The following AKR1C3 variants were observed in gnomAD, a reference collection of about 807,000 sequenced individuals.
AKR1C3 encodes aldo-keto reductase family 1 member C3.
In AKR1C3, 48 loss-of-function variants were observed where a neutral mutation model predicts 43.6. That is an observed-to-expected ratio of 1.10 (90% CI 0.87 to 1.40). The LOEUF (loss-of-function observed/expected upper bound fraction) is 1.40. Among genes scored for constraint, AKR1C3 ranks in the 40% most tolerant of loss-of-function variants. The pLI is 0.00. For missense variants in AKR1C3, 482 were observed against 391.2 expected (o/e 1.23, Z -1.96); for synonymous variants, 162 against 139.6 (o/e 1.16, Z -1.13).
intron 1 of AKR1C3, among the ~76,000 whole-genome samples, chr10:5,071,120 T>A (rs1008331119): frequency 8.5e-5 from 13 of 152,208 alleles, no homozygotes; most frequent in African/African-American, 3.1e-4. Context: ...TATCTTACTG[T>A]GCTTTATGTT....
intron 5 of AKR1C3, 95 bp downstream of exon 5, chr10:5,099,544 G>C: frequency 6.3e-7 from 1 of 1,578,604 alleles, no homozygotes. Flanking sequence ...AGTTATCTTT[G>C]TGAAGTAGAA....
chr10:5,065,715 A>T (rs1554780733), intron 1 of AKR1C3, among the ~76,000 whole-genome samples: 1 of 152,238 alleles, frequency 6.6e-6, no homozygotes, highest in Non-Finnish European at 1.5e-5. Context: ...TGAAGAGGAC[A>T]AAGTAAGGTT....
upstream of AKR1C3, among the ~76,000 whole-genome samples, chr10:5,092,788 C>T (rs905130226): frequency 6.6e-6 from 1 of 151,964 alleles, no homozygotes; most frequent in Non-Finnish European, 1.5e-5. Flanking sequence ...AATTTCAGTG[C>T]TCATGGTTCT....
chr10:5,066,591 G>C (rs782073650), intron 1 of AKR1C3, among the ~76,000 whole-genome samples: 16 of 152,072 alleles, frequency 1.1e-4, no homozygotes, highest in Non-Finnish European at 1.9e-4. Flanking sequence ...ATGACTATTG[G>C]GAGCATAATA....
chr10:5,052,474 T>C (rs185151367), intron 1 of AKR1C3, among the ~76,000 whole-genome samples: 2 of 147,790 alleles, frequency 1.4e-5, no homozygotes, highest in African/African-American at 5.4e-5. Flanking sequence ...GAGAGCTGAT[T>C]GGTCTGTTTT....
At chr10:5,105,093 G>A (rs1750425136) in intron 7 of AKR1C3, among the ~76,000 whole-genome samples, 3 of 152,116 alleles carry the variant, frequency 2.0e-5, no homozygotes, top group Admixed American at 2.0e-4. Flanking sequence ...GCCTGTATCT[G>A]TTTCCTTTAG....
chr10:5,075,903 G>A (rs757412610), intron 1 of AKR1C3, among the ~76,000 whole-genome samples: 40 of 151,714 alleles, frequency 2.6e-4, no homozygotes, highest in Non-Finnish European at 4.4e-4. Context: ...GAATATGGGA[G>A]TCACGGGGGC....
chr10:5,075,341 A>AT (rs1422534307), intron 1 of AKR1C3, among the ~76,000 whole-genome samples: 1 of 151,910 alleles, frequency 6.6e-6, no homozygotes, highest in South Asian at 2.1e-4. Context: ...GGTAGAGAAA[A>AT]TTTTTTCCCT....
At chr10:5,091,671 A>G (rs367563359), upstream of AKR1C3, among the ~76,000 whole-genome samples, 32 of 152,274 alleles carry the variant, frequency 2.1e-4, no homozygotes, top group East Asian at 6.0e-3. Flanking sequence ...AGCAATGCCA[A>G]TTTAACTGCA....
intron 7 of AKR1C3, among the ~76,000 whole-genome samples, chr10:5,103,211 G>C (rs373994341): frequency 6.6e-6 from 1 of 152,108 alleles, no homozygotes. Context: ...CAGAAATGTG[G>C]AGTAGCATTA....
intron 1 of AKR1C3, among the ~76,000 whole-genome samples, chr10:5,066,583 GA>G (rs1838507016): frequency 1.3e-5 from 2 of 152,250 alleles, no homozygotes; most frequent in Non-Finnish European, 2.9e-5. Flanking sequence ...CTATTATTAT[GA>G]CTATTGGGAG....
intron 1 of AKR1C3, among the ~76,000 whole-genome samples, chr10:5,095,578 A>T (rs1288728983): frequency 6.6e-6 from 1 of 152,038 alleles, no homozygotes; most frequent in Non-Finnish European, 1.5e-5. Context: ...CTTTAAATAC[A>T]TGTAAAAATG....
At position 5,059,465 on chromosome 10, in the gene AKR1C3, G is replaced by A. The variant is rs1452768389; in HGVS notation, c.84+10570G>A. The stretch of plus-strand genomic sequence containing the variant: ...TCAACCAACTTGTCATCAGGAACCC[G>A]GAGCTGCATGGTTTTCCTCTCTGTT... On this transcript the variant is annotated intron_variant, in intron 1 of 8. Coordinates refer to the AKR1C3 transcript ENST00000439082. Among the ~76,000 whole-genome samples, 13 of 152,196 alleles carry A rather than the reference G, an allele frequency of 8.5e-5. No individual in the cohort carries two copies. The East Asian group carries it at 1.7e-3, about 20-fold the overall frequency.
intron 1 of AKR1C3, among the ~76,000 whole-genome samples, chr10:5,078,491 G>A (rs1387306609): frequency 1.3e-5 from 2 of 152,152 alleles, no homozygotes; most frequent in Non-Finnish European, 2.9e-5. Flanking sequence ...ATAGTTTGTG[G>A]CAAAGTTTTC....
At position 5,059,268 on chromosome 10, in the gene AKR1C3, CAG is replaced by C. The variant is rs568192091; in HGVS notation, c.84+10377_84+10378del. Among the ~76,000 whole-genome samples the C allele has an allele frequency of 2.0e-3, 299 of 152,124 alleles. 2 individuals are homozygous for C. The highest frequency in any genetic ancestry group is 6.3e-3 in the African/African-American group (263 of 41,482). On this transcript the variant is annotated intron_variant, in intron 1 of 8. Transcript: ENST00000439082. ...CTTATGGGAGAAACTAGAAAAACAC[CAG>C]AGACAGGTAGCAGTCTTTAGAAGCA...
chr10:5,070,610 T>C (rs1306857598), intron 1 of AKR1C3, among the ~76,000 whole-genome samples: 1 of 152,216 alleles, frequency 6.6e-6, no homozygotes, highest in African/African-American at 2.4e-5. Context: ...GAATTGGCCT[T>C]GTGTTCCCTG....
intron 4 of AKR1C3, 136 bp from the exon 5 acceptor site, chr10:5,099,191 T>G: frequency 6.9e-7 from 1 of 1,442,814 alleles, no homozygotes; most frequent in East Asian, 2.4e-5. Context: ...GTTTGAATTT[T>G]TCTTTTTTTG....
At chr10:5,090,096 GTA>G (rs1839055466), upstream of AKR1C3, among the ~76,000 whole-genome samples, 1 of 152,076 alleles carries the variant, frequency 6.6e-6, no homozygotes, top group Non-Finnish European at 1.5e-5. Context: ...AAGCAGATGG[GTA>G]TATACTCGAT....
upstream of AKR1C3, chr10:5,048,781 G>C (rs1260194350): frequency 6.2e-7 from 1 of 1,603,366 alleles, no homozygotes; most frequent in African/African-American, 1.3e-5. Flanking sequence ...GAAGAAGAAA[G>C]AAACATTTGC....
Sources: allele counts gnomAD v4.1 joint callset (sites outside exome capture counted in the v4.1 genomes callset), GRCh38; gene constraint gnomAD v4.1.1; transcripts MANE v1.5; gene names NCBI Gene and HGNC (gene_info 2026-07-23, HGNC 2026-07-21).